CFAP299: variants seen among roughly 807,000 people sequenced by gnomAD.
CFAP299 encodes cilia- and flagella-associated protein 299.
Under a neutral mutation model 27.0 loss-of-function variants are expected in CFAP299, and 21 were observed. That is an observed-to-expected ratio of 0.78 (90% CI 0.55 to 1.12). The LOEUF (loss-of-function observed/expected upper bound fraction) is 1.12. CFAP299 is among the 50% of genes most tolerant of loss of function. The pLI is 0.00. For missense variants in CFAP299, 310 were observed against 276.6 expected, an observed-to-expected ratio of 1.12 and a Z score of -0.86; for synonymous variants, 104 against 98.1, an observed-to-expected ratio of 1.06 and a Z score of -0.36.
At chr4:80,733,524 A>G (rs948829778) in intron 3 of CFAP299, among the ~76,000 whole-genome samples, 1 of 152,068 alleles carries the variant, frequency 6.6e-6, no homozygotes, top group Non-Finnish European at 1.5e-5. Flanking sequence ...CTATAGTCAC[A>G]TATTGTGCTA....
At chr4:80,541,951 T>C (rs1048985577) in intron 2 of CFAP299, among the ~76,000 whole-genome samples, 5 of 151,028 alleles carry the variant, frequency 3.3e-5, no homozygotes, top group Non-Finnish European at 7.4e-5. Flanking sequence ...CTCCCAATGC[T>C]AAAACTTAAA....
chr4:80,473,885 G>C (rs970661888), intron 2 of CFAP299, among the ~76,000 whole-genome samples: 1 of 152,036 alleles, frequency 6.6e-6, no homozygotes, highest in Non-Finnish European at 1.5e-5. Flanking sequence ...AGCCACCATT[G>C]ATTATAACTA....
intron 2 of CFAP299, among the ~76,000 whole-genome samples, chr4:80,394,100 T>A (rs888064558): frequency 6.6e-6 from 1 of 152,178 alleles, no homozygotes; most frequent in East Asian, 1.9e-4. Context: ...CTTATTCACC[T>A]TCCTCCATGA....
chr4:80,739,041 A>C (rs1057439788), intron 3 of CFAP299, among the ~76,000 whole-genome samples: 1 of 152,206 alleles, frequency 6.6e-6, no homozygotes, highest in East Asian at 1.9e-4. Flanking sequence ...AAAGCTGATA[A>C]AACTCTATAC....
intron 2 of CFAP299, among the ~76,000 whole-genome samples, chr4:80,481,736 T>C (rs1430104974): frequency 6.6e-6 from 1 of 152,098 alleles, no homozygotes; most frequent in African/African-American, 2.4e-5. Flanking sequence ...AAAAGTCAGC[T>C]ATCCCTACTT....
intron 4 of CFAP299, among the ~76,000 whole-genome samples, chr4:80,918,047 C>T (rs1735849810): frequency 7.9e-5 from 12 of 152,098 alleles, no homozygotes; most frequent in Admixed American, 7.9e-4. Flanking sequence ...ACTTGCTGTA[C>T]CATTAGCTCT....
chr4:80,344,438 A>G (rs538291054), intron 1 of CFAP299, among the ~76,000 whole-genome samples: 1 of 152,276 alleles, frequency 6.6e-6, no homozygotes, highest in Non-Finnish European at 1.5e-5. Flanking sequence ...CCCTCCCAAG[A>G]CTGAACCAGG....
chr4:80,504,920 G>A (rs1731942864), intron 2 of CFAP299, among the ~76,000 whole-genome samples: 1 of 147,084 alleles, frequency 6.8e-6, no homozygotes, highest in Non-Finnish European at 1.5e-5. Context: ...TATATTAATT[G>A]ATAAATGATA....
chr4:80,832,751 T>C (rs1730365348), intron 3 of CFAP299, among the ~76,000 whole-genome samples: 1 of 152,104 alleles, frequency 6.6e-6, no homozygotes, highest in Non-Finnish European at 1.5e-5. Flanking sequence ...ATTACATACA[T>C]ATAAGTTGTG....
chr4:80,627,673 C>T (rs566781094), intron 3 of CFAP299, among the ~76,000 whole-genome samples: 2 of 152,040 alleles, frequency 1.3e-5, no homozygotes, highest in African/African-American at 4.8e-5. Context: ...ACATACAACA[C>T]TCGGTAGTGT....
intron 3 of CFAP299, among the ~76,000 whole-genome samples, chr4:80,795,636 C>T (rs1727813005): frequency 6.6e-6 from 1 of 152,110 alleles, no homozygotes; most frequent in Non-Finnish European, 1.5e-5. Context: ...TTGCTTGTGC[C>T]TTTAGGACCT....
At chr4:80,608,484 C>G (rs1737794104) in intron 3 of CFAP299, 1 of 609,742 alleles carries the variant, frequency 1.6e-6, no homozygotes. Context: ...CTACTGTTTT[C>G]CGAATTACTC....
intron 2 of CFAP299, among the ~76,000 whole-genome samples, chr4:80,472,934 G>A (rs1021085101): frequency 6.6e-6 from 1 of 152,136 alleles, no homozygotes; most frequent in South Asian, 2.1e-4. Context: ...AGGTGGATCT[G>A]CCATACAGGT....
At chr4:80,940,036 T>G (rs1578254449) in intron 4 of CFAP299, among the ~76,000 whole-genome samples, 1 of 152,130 alleles carries the variant, frequency 6.6e-6, no homozygotes, top group East Asian at 1.9e-4. Flanking sequence ...CTGATCTACA[T>G]GCACTCTCTG....
chr4:80,471,464 G>T (rs946325608), intron 2 of CFAP299, among the ~76,000 whole-genome samples: 3 of 150,654 alleles, frequency 2.0e-5, no homozygotes, highest in Non-Finnish European at 4.4e-5. Context: ...GAAAGATCTG[G>T]CGGCATTAAT....
intron 2 of CFAP299, among the ~76,000 whole-genome samples, chr4:80,493,658 GA>G (rs1200616528): frequency 6.7e-6 from 1 of 149,830 alleles, no homozygotes; most frequent in Non-Finnish European, 1.5e-5. Context: ...AGAGCATTTA[GA>G]ATTCATATTC....
chr4:80,676,325 T>A (rs1449496210), intron 3 of CFAP299, among the ~76,000 whole-genome samples: 1 of 152,332 alleles, frequency 6.6e-6, no homozygotes, highest in South Asian at 2.1e-4. Flanking sequence ...TAGTGAATGA[T>A]CTTTTTAACA....
intron 3 of CFAP299, among the ~76,000 whole-genome samples, chr4:80,679,912 A>G (rs985928173): frequency 6.6e-6 from 1 of 151,930 alleles, no homozygotes; most frequent in Non-Finnish European, 1.5e-5. Context: ...TTCTCTTAAC[A>G]TATGTTTCAT....
chr4:80,910,749 A>G lies in CFAP299; in HGVS notation c.477-34061A>G, dbSNP rs144631355. On this transcript the variant is annotated intron_variant, in intron 4 of 5. Transcript: ENST00000358105. ...ACCTGTATGACAATCTGTACAACAA[A>G]CTCCCGTGACATTTACCTATATACC... Among the ~76,000 whole-genome samples, 23 of 151,952 alleles carry G rather than the reference A, an allele frequency of 1.5e-4. 1 individual carries two copies. The highest frequency in any genetic ancestry group is 5.5e-4 in the African/African-American group (23 of 41,470).
Sources: gnomAD v4.1 joint callset for allele counts (sites outside exome capture counted in the v4.1 genomes callset) on GRCh38, gnomAD v4.1.1 for gene constraint, MANE v1.5 for transcripts, NCBI Gene and HGNC (gene_info 2026-07-23, HGNC 2026-07-21) for gene names.